The following DHX15 variants were observed in gnomAD, a reference collection of about 807,000 sequenced individuals.
DHX15 encodes the protein DEAH-box helicase 15.
Under a neutral mutation model 94.4 loss-of-function variants are expected in DHX15, and 11 were observed. The observed-to-expected ratio is 0.12, with a 90% confidence interval of 0.07 to 0.19. DHX15 has a LOEUF of 0.19. Among genes scored for constraint, DHX15 ranks in the 10% least tolerant of loss-of-function variants. DHX15 has a pLI of 1.00. For synonymous variants in DHX15, 338 were observed against 329.9 expected (o/e 1.02, Z -0.27); for missense variants, 304 against 988.5 (o/e 0.31, Z 9.29).
Position 24,537,472 on chromosome 4 carries a change from A to T in DHX15, c.1787-299T>A, listed in dbSNP as rs895113434. On this transcript the variant is annotated intron_variant, in intron 10 of 13. Transcript: ENST00000336812. The surrounding 1 kb of genome is among the most constrained non-coding windows in gnomAD (Gnocchi z 4.7). ...GGATACTAAAAAGCTCAACTTATTT[A>T]AAAAAACCAGTGCTGATAGCTCTAC... 8 of 222,698 alleles carry T rather than the reference A, an allele frequency of 3.6e-5. No homozygotes were observed. Among genetic ancestry groups the T allele is most frequent in the Admixed American group, 1.1e-4 (2 of 17,786 alleles). 13.8% of individuals were successfully genotyped at this position (222,698 alleles called of 1,614,324 possible). A position where few individuals can be genotyped will look rare whatever the true frequency, so the allele number is the denominator to read the frequency against.
At chr4:24,557,444 G>A (rs1361517272) in intron 3 of DHX15, among the ~76,000 whole-genome samples, 2 of 152,048 alleles carry the variant, frequency 1.3e-5, no homozygotes, top group African/African-American at 4.8e-5. Flanking sequence ...AATCTTTCAT[G>A]GACCAACTGG....
Position 24,535,397 on chromosome 4 carries a change from T to C in DHX15, c.1909+1654A>G, listed in dbSNP as rs1356733414. ...TCTCAAGGCTTTAATAGGTTATGTATCTCTTGGTCACCCAGCATGTTTCGC... is the reference window on the plus strand; with the variant it reads ...TCTCAAGGCTTTAATAGGTTATGTACCTCTTGGTCACCCAGCATGTTTCGC... On this transcript the variant is annotated intron_variant, in intron 11 of 13. Coordinates refer to ENST00000336812, the MANE Select transcript of DHX15 (RefSeq NM_001358.3). 2.0e-5 allele frequency among the ~76,000 whole-genome samples: 3 copies of C among 152,184 alleles called. No individual in the cohort carries two copies. The East Asian group carries it at 5.8e-4, about 29-fold the overall frequency.
At chr4:24,581,159 G>T (rs1045518084) in intron 1 of DHX15, among the ~76,000 whole-genome samples, 1 of 151,864 alleles carries the variant, frequency 6.6e-6, no homozygotes, top group Admixed American at 6.6e-5. Context: ...TCCCAGAGTA[G>T]CTGGGACTAC....
chr4:24,558,809 C>T (rs1721798573), intron 3 of DHX15, among the ~76,000 whole-genome samples: 1 of 151,882 alleles, frequency 6.6e-6, no homozygotes, highest in Admixed American at 6.6e-5. Context: ...GTGAAGAAAA[C>T]GAAAAAAACC....
At chr4:24,552,845 T>C (rs2071799334) in intron 5 of DHX15, among the ~76,000 whole-genome samples, 1 of 152,210 alleles carries the variant, frequency 6.6e-6, no homozygotes, top group African/African-American at 2.4e-5. Flanking sequence ...AGCATACATC[T>C]GAAAACCCTT....
chr4:24,540,067 T>C (rs772679930), intron 10 of DHX15, 41 bp downstream of exon 10: 10 of 1,415,774 alleles, frequency 7.1e-6, no homozygotes, highest in East Asian at 2.5e-5. Flanking sequence ...CACCCAAACT[T>C]TGAAGAGCTG....
rs769580037 is a variant in DHX15 at position 24,576,685 on chromosome 4, A to T, written c.72-7T>A. 1.2e-6 allele frequency: 2 copies of T among 1,607,566 alleles called. No individual in the cohort carries two copies. The highest frequency in any genetic ancestry group is 1.7e-6 in the Non-Finnish European group (2 of 1,175,224). On this transcript the variant is annotated splice_polypyrimidine_tract_variant and splice_region_variant and intron_variant, in intron 1 of 13. Coordinates refer to ENST00000336812, the MANE Select transcript of DHX15 (RefSeq NM_001358.3). ...GTCTCGATCTCGATCCTTCCTAAAA[A>T]CAAAAATTTAGAATTCAGATTCTGA... is the stretch of plus-strand genomic sequence containing the variant.
chr4:24,547,055 G>T (rs7690565), intron 6 of DHX15, among the ~76,000 whole-genome samples: 34,667 of 152,088 alleles, frequency 0.23, 5,066 homozygotes, highest in Non-Finnish European at 0.32. Context: ...GCCTCAGAAT[G>T]TTCTTCCTCA....
intron 6 of DHX15, among the ~76,000 whole-genome samples, chr4:24,546,140 G>GCCAC (rs1721419075): frequency 6.6e-6 from 1 of 152,108 alleles, no homozygotes; most frequent in Non-Finnish European, 1.5e-5. Flanking sequence ...AGTCCCCAGG[G>GCCAC]AACTCTGTGG....
At position 24,547,923 on chromosome 4, in the gene DHX15, ATATATATATATATATATATCTATATC is replaced by A. The variant is rs1419860541; in HGVS notation, c.1248+906_1248+931del. ...TATGTGTATATATATATATATATATATATATATATATATATATATCTATATCTATATCTATATCTATCTGCTGATGG... is the reference window on the plus strand; with the variant it reads ...TATGTGTATATATATATATATATATATATATCTATATCTATCTGCTGATGG... On this transcript the variant is annotated intron_variant, in intron 6 of 13. Transcript: ENST00000336812. Among the ~76,000 whole-genome samples the A allele has an allele frequency of 8.2e-4, 69 of 84,636 alleles. 1 individual carries two copies. The highest frequency in any genetic ancestry group is 3.7e-3 in the African/African-American group (66 of 17,924). The allele number at this position is 84,636 out of a possible 152,430, so 55.5% of individuals were successfully genotyped here. A position where few individuals can be genotyped will look rare whatever the true frequency, so the allele number is the denominator to read the frequency against.
At chr4:24,584,067 G>C (rs1722546253) in intron 1 of DHX15, 1 of 510,178 alleles carries the variant, frequency 2.0e-6, no homozygotes, top group Admixed American at 4.1e-5. Flanking sequence ...TGGGGGAGGA[G>C]GCGCCCTCAT....
At chr4:24,562,166 A>G (rs1721888687) in intron 3 of DHX15, among the ~76,000 whole-genome samples, 1 of 149,808 alleles carries the variant, frequency 6.7e-6, no homozygotes, top group Admixed American at 6.7e-5. Flanking sequence ...TCTGTACACC[A>G]AACTCCTACA....
chr4:24,528,337 C>A (rs1721003041), intron 13 of DHX15, among the ~76,000 whole-genome samples: 1 of 152,146 alleles, frequency 6.6e-6, no homozygotes, highest in Non-Finnish European at 1.5e-5. Context: ...TTTCTTTACT[C>A]TGGCACACTA....
chr4:24,558,610 A>G (rs1721794018), intron 3 of DHX15, among the ~76,000 whole-genome samples: 1 of 152,118 alleles, frequency 6.6e-6, no homozygotes, highest in East Asian at 1.9e-4. Context: ...TCATCCAGAC[A>G]ATTCCCAATG....
intron 3 of DHX15, among the ~76,000 whole-genome samples, chr4:24,565,506 A>G (rs903864354): frequency 4.6e-5 from 7 of 152,228 alleles, no homozygotes; most frequent in African/African-American, 1.4e-4. Context: ...AAATTAGTTT[A>G]TAATTGTTTG....
chr4:24,578,580 G>T (rs1306372151), intron 1 of DHX15, among the ~76,000 whole-genome samples: 3 of 151,696 alleles, frequency 2.0e-5, no homozygotes, highest in Non-Finnish European at 4.4e-5. Context: ...CCTTTTTTTT[G>T]AGATAGGATC....
chr4:24,568,291 T>C (rs1277780893), intron 3 of DHX15, among the ~76,000 whole-genome samples: 1 of 152,226 alleles, frequency 6.6e-6, no homozygotes, highest in Non-Finnish European at 1.5e-5. Flanking sequence ...ATTAGTTAAG[T>C]TCTTCCTATC....
chr4:24,584,325 A>G lies in DHX15; in HGVS notation c.69T>C (p.Asp23=), dbSNP rs751230183. The change falls in exon 1 of 14, where the codon GAT becomes GAC. Residue 23 remains aspartate, a splice_region_variant and synonymous_variant. Coordinates refer to ENST00000336812, the MANE Select transcript of DHX15 (RefSeq NM_001358.3). ...CTCGCGCCCCCGGCCTGGCTTACCC[A>G]TCGGTCCCCGCACGCTTCTTGCCAG... ...YPSGKKRAGT[D]GKDRDRDRDR... 6.2e-7 allele frequency: 1 copy of G among 1,611,984 alleles called. No homozygotes were observed. The highest frequency in any genetic ancestry group is 1.1e-5 in the South Asian group (1 of 90,708).
chr4:24,566,315 T>C (rs1721991515), intron 3 of DHX15, among the ~76,000 whole-genome samples: 1 of 152,120 alleles, frequency 6.6e-6, no homozygotes, highest in South Asian at 2.1e-4. Context: ...GGACTACATG[T>C]GTGAGCCTCT....
Sources: allele counts gnomAD v4.1 joint callset (sites outside exome capture counted in the v4.1 genomes callset), GRCh38; gene constraint gnomAD v4.1.1; non-coding constraint Gnocchi (gnomAD v3.1); transcripts MANE v1.5; gene names NCBI Gene and HGNC (gene_info 2026-07-23, HGNC 2026-07-21).